The following DCP2 variants were observed in gnomAD, a reference collection of about 807,000 sequenced individuals.
DCP2 encodes the protein m7GpppN-mRNA hydrolase.
A neutral mutation model predicts 56.1 loss-of-function variants in DCP2; 30 were observed. That is an observed-to-expected ratio of 0.53 (90% CI 0.40 to 0.73). DCP2 has a LOEUF of 0.73. Ranked by LOEUF, DCP2 falls within the 30% of genes least tolerant of loss-of-function variation. The pLI is 0.00. For synonymous variants in DCP2, 197 were observed against 163.3 expected (o/e 1.21, Z -1.57); for missense variants, 533 against 502.7 (o/e 1.06, Z -0.58).
rs768145007 is a variant in DCP2, at chr5:113,017,645, G to A, written c.*4161G>A. 2 of 152,176 alleles carry A rather than the reference G, an allele frequency of 1.3e-5. No individual in the cohort carries two copies. The highest frequency in any genetic ancestry group is 2.9e-5 in the Non-Finnish European group (2 of 68,036). The allele number at this position is 152,176 out of a possible 1,614,324, so 9.4% of individuals were successfully genotyped here. On this transcript the variant is annotated 3_prime_UTR_variant, in exon 11 of 11. Coordinates refer to ENST00000389063, the MANE Select transcript of DCP2 (RefSeq NM_152624.6). ...CTGGATTGCAGTTTCAAAAAAATAT[G>A]ATAGATTATTGTTATAGAATCAAAG...
Position 113,001,396 on chromosome 5 carries a change from A to G in DCP2, c.625A>G (p.Arg209Gly). 1.9e-6 allele frequency: 3 copies of G among 1,613,940 alleles called. No individual in the cohort carries two copies. The highest frequency in any genetic ancestry group is 2.5e-6 in the Non-Finnish European group (3 of 1,179,998). Residue 209 changes from arginine to glycine, a missense_variant, in exon 6 of 11, where the codon AGA becomes GGA. Physicochemically the swap from Arg to Gly is moderately radical, Grantham distance 125. This residue lies in a region of DCP2 where 392 missense variants were observed against 346.6 expected (regional missense o/e 1.13). Coordinates refer to ENST00000389063, the MANE Select transcript of DCP2 (RefSeq NM_152624.6). ...CTCTATTGAGAAATTGCCTTGTCAT[A>G]GAAATGATATGACCCCCAAATCCAA... ...WFSIEKLPCH[R>G]NDMTPKSKLG...
chr5:113,012,180 G>T lies in DCP2; in HGVS notation c.1100-1141G>T, dbSNP rs368543901. ...ACACCATGCCAGCCTGGGCAACATAGCAAGACTCTTGTCTCTACAAAAATT... is the reference window on the plus strand; with the variant it reads ...ACACCATGCCAGCCTGGGCAACATATCAAGACTCTTGTCTCTACAAAAATT... On this transcript the variant is annotated intron_variant, in intron 10 of 10. Coordinates refer to ENST00000389063, the MANE Select transcript of DCP2 (RefSeq NM_152624.6). Among the ~76,000 whole-genome samples the T allele has an allele frequency of 7.9e-5, 12 of 152,236 alleles. No homozygotes were observed. In the East Asian group the frequency reaches 1.9e-3, roughly 25 times the overall value.
At chr5:112,978,935 A>G (rs1747861334) in intron 1 of DCP2, among the ~76,000 whole-genome samples, 2 of 152,254 alleles carry the variant, frequency 1.3e-5, no homozygotes, top group Non-Finnish European at 1.5e-5. Context: ...TTTTACAGAC[A>G]TCAGAGCTAG....
At position 112,992,137 on chromosome 5, in the gene DCP2, G is replaced by C; in HGVS notation, c.222G>C (p.Pro74=). The C allele has an allele frequency of 6.2e-7, 1 of 1,613,788 alleles. No homozygotes were observed. Residue 74 remains proline, a synonymous_variant, in exon 3 of 11, where the codon CCG becomes CCC. Coordinates refer to ENST00000389063, the MANE Select transcript of DCP2 (RefSeq NM_152624.6). ...DFAKAVFSHC[P]FLLPQGEDVE... ...TATTTATACTCTTCAGTCATTGTCCGTTTTTGCTGCCTCAAGGTGAAGATG... is the reference window on the plus strand; with the variant it reads ...TATTTATACTCTTCAGTCATTGTCCCTTTTTGCTGCCTCAAGGTGAAGATG...
intron 1 of DCP2, among the ~76,000 whole-genome samples, chr5:112,979,394 CT>C (rs993404827): frequency 2.6e-5 from 4 of 151,168 alleles, no homozygotes; most frequent in Admixed American, 6.6e-5. Flanking sequence ...TAGACTAAAA[CT>C]TTTTTTTTAC....
chr5:112,993,137 A>AT (rs1748674709), intron 4 of DCP2, among the ~76,000 whole-genome samples: 1 of 151,730 alleles, frequency 6.6e-6, no homozygotes, highest in South Asian at 2.1e-4. Context: ...ACAATTTGGG[A>AT]TTTTCTAAGA....
Position 113,018,830 on chromosome 5 carries a change from CT to C in DCP2, c.*5349del, listed in dbSNP as rs1247032580. 1 of 152,110 alleles carries C rather than the reference CT, an allele frequency of 6.6e-6. No homozygotes were observed. Among genetic ancestry groups the C allele is most frequent in the East Asian group, 1.9e-4 (1 of 5,198 alleles). The allele number at this position is 152,110 out of a possible 1,614,324, so 9.4% of individuals were successfully genotyped here. On this transcript the variant is annotated 3_prime_UTR_variant, in exon 11 of 11. Coordinates refer to ENST00000389063, the MANE Select transcript of DCP2 (RefSeq NM_152624.6). Reference sequence around the variant, plus strand: ...CCATATTTTAAAATTTGTTTCACATCTTTATAGCAAACCTGCCACAGACTTG... The same window carrying C: ...CCATATTTTAAAATTTGTTTCACATCTTATAGCAAACCTGCCACAGACTTG...
intron 8 of DCP2, among the ~76,000 whole-genome samples, chr5:113,005,151 G>GGTGTGTGGGTGGGTGT (rs70973659): frequency 6.7e-6 from 1 of 149,420 alleles, no homozygotes; most frequent in African/African-American, 2.5e-5. Context: ...TGTGCGTGTG[G>GGTGTGTGGGTGGGTGT]GTGTGTGTGT....
At chr5:112,992,632 A>AGG in intron 3 of DCP2, 40 bp from the exon 4 acceptor site, 1 of 1,414,180 alleles carries the variant, frequency 7.1e-7, no homozygotes, top group Non-Finnish European at 9.8e-7. Context: ...AGCATGGAAA[A>AGG]GGAGGGCAAG....
chr5:113,004,097 A>T lies in DCP2; in HGVS notation c.942+20A>T. 1.2e-6 allele frequency: 2 copies of T among 1,600,066 alleles called. No individual in the cohort carries two copies. Among genetic ancestry groups the T allele is most frequent in the South Asian group, 2.3e-5 (2 of 87,886 alleles). On this transcript the variant is annotated intron_variant, in intron 8 of 10. Transcript: ENST00000389063. ...GGAAAGGTGAGTGATACACAATTAC[A>T]GTCTTTTCAGAAATTTAGATCATTT...
rs1285040878 is a variant in DCP2 at position 113,021,043 on chromosome 5, TA to T, written c.*7564del. 6.6e-6 allele frequency: 1 copy of T among 152,076 alleles called. No individual in the cohort carries two copies. Among genetic ancestry groups the T allele is most frequent in the African/African-American group, 2.4e-5 (1 of 41,398 alleles). 9.4% of individuals were successfully genotyped at this position (152,076 alleles called of 1,614,324 possible). A position where few individuals can be genotyped will look rare whatever the true frequency, so the allele number is the denominator to read the frequency against. On this transcript the variant is annotated 3_prime_UTR_variant, in exon 11 of 11. Coordinates refer to ENST00000389063, the MANE Select transcript of DCP2 (RefSeq NM_152624.6). Reference sequence around the variant, plus strand: ...TCATTGTGGTTGCTCTTTGGACCAATAAAAATGGCAAGTATGAGATGAACAT... The same window carrying T: ...TCATTGTGGTTGCTCTTTGGACCAATAAAATGGCAAGTATGAGATGAACAT...
intron 8 of DCP2, among the ~76,000 whole-genome samples, chr5:113,004,693 A>G (rs1046119727): frequency 3.3e-5 from 5 of 152,088 alleles, no homozygotes; most frequent in East Asian, 1.9e-4. Context: ...TTGAGTATCT[A>G]TTTGCTAATT....
rs141471392 is a variant in DCP2 at position 112,977,761 on chromosome 5, C to G, written c.53+775C>G. Among the ~76,000 whole-genome samples, 25 of 152,198 alleles carry G rather than the reference C, an allele frequency of 1.6e-4. No individual in the cohort carries two copies. The East Asian group carries it at 4.6e-3, about 28-fold the overall frequency. On this transcript the variant is annotated intron_variant, in intron 1 of 10. Transcript: ENST00000389063. Reference sequence around the variant, plus strand: ...AGGATACTTAAAAATGCTTATTTTCCGAAGGTAAAATTTGGAGTGCAGTGA... The same window carrying G: ...AGGATACTTAAAAATGCTTATTTTCGGAAGGTAAAATTTGGAGTGCAGTGA...
In DCP2 at chr5:113,020,118, AGTTAT is replaced by A. The variant is rs1485133320; in HGVS notation, c.*6639_*6643del. ...GAAAAAGGTGAAGATATTTATGCTGAGTTATGTTAAGCAAATTATTTTGAGACCTT... is the reference window on the plus strand; with the variant it reads ...GAAAAAGGTGAAGATATTTATGCTGAGTTAAGCAAATTATTTTGAGACCTT... On this transcript the variant is annotated 3_prime_UTR_variant, in exon 11 of 11. Coordinates refer to ENST00000389063, the MANE Select transcript of DCP2 (RefSeq NM_152624.6). The A allele has an allele frequency of 6.6e-6, 1 of 152,230 alleles. No homozygotes were observed. Among genetic ancestry groups the A allele is most frequent in the African/African-American group, 2.4e-5 (1 of 41,456 alleles). The allele number at this position is 152,230 out of a possible 1,614,324, so 9.4% of individuals were successfully genotyped here.
At chr5:113,010,139 C>A (rs1300535927) in intron 9 of DCP2, among the ~76,000 whole-genome samples, 2 of 151,006 alleles carry the variant, frequency 1.3e-5, no homozygotes, top group East Asian at 1.9e-4. Context: ...TTCAAGCAGT[C>A]CTCCCATCTC....
intron 4 of DCP2, among the ~76,000 whole-genome samples, chr5:112,994,617 T>C (rs1238909428): frequency 6.6e-6 from 1 of 152,234 alleles, no homozygotes; most frequent in Non-Finnish European, 1.5e-5. Flanking sequence ...GCCGTATTCT[T>C]ATTTCTTACC....
At chr5:113,008,841 AC>A (rs1213450698) in intron 9 of DCP2, among the ~76,000 whole-genome samples, 2 of 147,876 alleles carry the variant, frequency 1.4e-5, no homozygotes, top group East Asian at 3.9e-4. Context: ...CAAAAACTAG[AC>A]AGATAACTTT....
intron 2 of DCP2, among the ~76,000 whole-genome samples, chr5:112,988,138 C>G (rs1019777467): frequency 2.0e-5 from 3 of 152,000 alleles, no homozygotes; most frequent in Admixed American, 6.6e-5. Context: ...TAACTGTTAA[C>G]CATAGCACAT....
chr5:112,984,926 A>T (rs1748201479), intron 1 of DCP2, among the ~76,000 whole-genome samples: 1 of 151,624 alleles, frequency 6.6e-6, no homozygotes. Flanking sequence ...GAGTATTCTT[A>T]TGCTTATTTG....
Sources: gnomAD v4.1 joint callset for allele counts (sites outside exome capture counted in the v4.1 genomes callset) on GRCh38, gnomAD v4.1.1 for gene constraint, gnomAD v4.1.1 regional missense constraint, MANE v1.5 for transcripts, NCBI Gene and HGNC (gene_info 2026-07-23, HGNC 2026-07-21) for gene names.